DCLRE1C: variants seen among roughly 807,000 people sequenced by gnomAD.
The protein encoded by DCLRE1C is DNA cross-link repair 1C.
Under a neutral mutation model 61.4 loss-of-function variants are expected in DCLRE1C, and 47 were observed. The ratio of observed to expected loss-of-function variants is 0.77; its 90% confidence interval spans 0.61 to 0.98. The LOEUF is 0.98. Among genes scored for constraint, DCLRE1C ranks in the 50% least tolerant of loss-of-function variants. The pLI is 0.00. For missense variants in DCLRE1C, 858 were observed against 816.0 expected, an observed-to-expected ratio of 1.05 and a Z score of -0.63; for synonymous variants, 337 against 287.6, an observed-to-expected ratio of 1.17 and a Z score of -1.74.
At position 14,909,382 on chromosome 10, in the gene DCLRE1C, T is replaced by C. The variant is rs768909708; in HGVS notation, c.1157-52A>G. 9 of 1,518,752 alleles carry C rather than the reference T, an allele frequency of 5.9e-6. No homozygotes were observed. In the Admixed American group the frequency reaches 1.4e-4, roughly 24 times the overall value. The allele number at this position is 1,518,752 out of a possible 1,614,324, so 94.1% of individuals were successfully genotyped here. ...AGGAAACAAGGCAAAGGGAGCCAATTTGTAGTATTTATCTGTACTTTTAAT... is the reference window on the plus strand; with the variant it reads ...AGGAAACAAGGCAAAGGGAGCCAATCTGTAGTATTTATCTGTACTTTTAAT... On this transcript the variant is annotated intron_variant, in intron 13 of 13. Transcript: ENST00000378278.
rs1842846889 is a variant in DCLRE1C, at chr10:14,954,063, C to T, written c.-53G>A. The stretch of plus-strand genomic sequence containing the variant: ...CCCAAAACCGCAGCTGAAGCCAAGG[C>T]CAGCCCTGACCGCGCCGCCACTTCC... On this transcript the variant is annotated 5_prime_UTR_variant, in exon 1 of 14. Coordinates refer to ENST00000378278, the MANE Select transcript of DCLRE1C (RefSeq NM_001033855.3). 1 of 1,608,634 alleles carries T rather than the reference C, an allele frequency of 6.2e-7. No homozygotes were observed. The highest frequency in any genetic ancestry group is 8.5e-7 in the Non-Finnish European group (1 of 1,178,646).
At chr10:14,929,723 G>C (rs1046878156) in intron 9 of DCLRE1C, among the ~76,000 whole-genome samples, 1 of 152,040 alleles carries the variant, frequency 6.6e-6, no homozygotes, top group African/African-American at 2.4e-5. Context: ...GTTTTCAAAA[G>C]GTTGAAAAAA....
At chr10:14,921,036 C>T (rs936089921) in intron 12 of DCLRE1C, among the ~76,000 whole-genome samples, 2 of 148,066 alleles carry the variant, frequency 1.4e-5, no homozygotes, top group African/African-American at 5.0e-5. Flanking sequence ...ACAAGCACCT[C>T]GGCTGGGCAC....
chr10:14,934,756 C>A lies in DCLRE1C; in HGVS notation c.484G>T (p.Val162Leu). ...TCACAGAACGTAGTATCCAAATATA[C>A]ACTTTGGATGTCTTTGACTCTGAAA... ...SGGRVKDIQS[V>L]YLDTTFCDPR... Residue 162 changes from valine (V) to leucine (L), a missense_variant, in exon 7 of 14, where the codon GTA becomes TTA. Around this residue, in one of 2 missense-constraint regions of DCLRE1C, gnomAD observed 843 missense variants for 783.5 expected, o/e 1.08. Transcript: ENST00000378278. 1 of 1,612,848 alleles carries A rather than the reference C, an allele frequency of 6.2e-7. No individual in the cohort carries two copies.
intron 4 of DCLRE1C, among the ~76,000 whole-genome samples, chr10:14,939,081 A>G (rs41297004): frequency 0.12 from 18,362 of 151,514 alleles, 1,214 homozygotes; most frequent in Middle Eastern, 0.16. Flanking sequence ...TATAAAAGAC[A>G]CCCAGGGGAG....
intron 2 of DCLRE1C, 50 bp from the exon 3 acceptor site, chr10:14,945,239 CT>C: frequency 6.5e-7 from 1 of 1,541,552 alleles, no homozygotes; most frequent in South Asian, 1.2e-5. Context: ...AATGAGCCAT[CT>C]TGGTGACTAA....
intron 1 of DCLRE1C, among the ~76,000 whole-genome samples, chr10:14,949,774 G>A (rs147422908): frequency 6.6e-6 from 1 of 152,338 alleles, no homozygotes; most frequent in African/African-American, 2.4e-5. Flanking sequence ...GTTGGACATG[G>A]TGGCTCTTGC....
chr10:14,943,042 G>T (rs1841118512), intron 3 of DCLRE1C, among the ~76,000 whole-genome samples: 1 of 152,180 alleles, frequency 6.6e-6, no homozygotes, highest in African/African-American at 2.4e-5. Context: ...AGGGAGAATT[G>T]CTTGAACCGG....
Position 14,908,744 on chromosome 10 carries a change from T to C in DCLRE1C, c.1743A>G (p.Thr581=), listed in dbSNP as rs750453725. ...GAGAGGCAGGAATATTCTCTTTGATTGTTGGTCTGTAGTCAGCTTTGTCCA... is the reference window on the plus strand; with the variant it reads ...GAGAGGCAGGAATATTCTCTTTGATCGTTGGTCTGTAGTCAGCTTTGTCCA... The part of the protein sequence containing the change: ...TSLDKADYRP[T]IKENIPASLM... The change falls in exon 14 of 14, where the codon ACA becomes ACG. Residue 581 remains threonine, a synonymous_variant. Transcript: ENST00000378278. 1.8e-5 allele frequency: 29 copies of C among 1,614,124 alleles called. No individual in the cohort carries two copies. The South Asian group carries it at 3.2e-4, about 18-fold the overall frequency.
Position 14,905,074 on chromosome 10 carries a change from A to AGTC in DCLRE1C, c.*3331_*3333dup, listed in dbSNP as rs938437481. ...TGGCTTAGCTTTGTTTCTGTTTTAC[A>AGTC]GTCATTTCCAGTAAGACTATAAAAG... is the stretch of plus-strand genomic sequence containing the variant. On this transcript the variant is annotated 3_prime_UTR_variant, in exon 14 of 14. Coordinates refer to ENST00000378278, the MANE Select transcript of DCLRE1C (RefSeq NM_001033855.3). Among the ~76,000 whole-genome samples the AGTC allele has an allele frequency of 6.6e-6, 1 of 152,258 alleles. No homozygotes were observed. Among genetic ancestry groups the AGTC allele is most frequent in the African/African-American group, 2.4e-5 (1 of 41,472 alleles).
rs1184108874 is a variant in DCLRE1C, at chr10:14,899,259, A to G, written c.1210T>C (p.Tyr404His). The stretch of plus-strand genomic sequence containing the variant: ...CGCTTGATCCCAGGAGTTAAAGGAT[A>G]CAGGGAGTCATGATGGCACCACCGC... The change falls in exon 14 of 14, where the codon TAT becomes CAT. Residue 404 changes from tyrosine (Y) to histidine (H), a missense_variant. Tyr to His is a moderately conservative substitution (Grantham distance 83, BLOSUM62 2). Coordinates refer to the DCLRE1C transcript ENST00000378289. 7.1e-6 allele frequency: 5 copies of G among 702,026 alleles called. No homozygotes were observed. The East Asian group carries it at 1.1e-4, about 15-fold the overall frequency. The allele number at this position is 702,026 out of a possible 1,614,324, so 43.5% of individuals were successfully genotyped here. A position where few individuals can be genotyped will look rare whatever the true frequency, so the allele number is the denominator to read the frequency against.
At chr10:14,902,305 C>T, downstream of DCLRE1C, 2 of 666,900 alleles carry the variant, frequency 3.0e-6, no homozygotes, top group Non-Finnish European at 4.9e-6. Flanking sequence ...ATGTAAGTAC[C>T]CTCTATCACT....
intron 13 of DCLRE1C, chr10:14,911,080 C>A (rs369615383): frequency 6.6e-6 from 1 of 152,170 alleles, no homozygotes; most frequent in Admixed American, 6.5e-5. Context: ...GCTGCAGAGG[C>A]GTCCCCACCA....
intron 13 of DCLRE1C, among the ~76,000 whole-genome samples, 167 bp downstream of exon 13, chr10:14,919,571 G>A (rs1210893911): frequency 6.6e-6 from 1 of 152,152 alleles, no homozygotes; most frequent in South Asian, 2.1e-4. Flanking sequence ...TGATTTTACA[G>A]GCTGAAGACA....
rs41300696 is a variant in DCLRE1C at position 14,907,192 on chromosome 10, C to G, written c.*1216G>C. 6.6e-5 allele frequency among the ~76,000 whole-genome samples: 10 copies of G among 151,226 alleles called. No homozygotes were observed. Among genetic ancestry groups the G allele is most frequent in the Non-Finnish European group, 1.0e-4 (7 of 67,892 alleles). On this transcript the variant is annotated 3_prime_UTR_variant, in exon 14 of 14. Transcript: ENST00000378278. The stretch of plus-strand genomic sequence containing the variant: ...CATTTTCTTTTATATTCTAATTGTC[C>G]GCTTCTAATTTGGCCACCGTATTCA...
chr10:14,941,230 T>C (rs1840801388), intron 3 of DCLRE1C, among the ~76,000 whole-genome samples: 1 of 152,244 alleles, frequency 6.6e-6, no homozygotes, highest in South Asian at 2.1e-4. Context: ...AGGACAAATT[T>C]AGCTATGTTC....
At chr10:14,915,961 A>T (rs1212770120) in intron 13 of DCLRE1C, among the ~76,000 whole-genome samples, 1 of 152,196 alleles carries the variant, frequency 6.6e-6, no homozygotes, top group Non-Finnish European at 1.5e-5. Flanking sequence ...CTCAAAAATC[A>T]GTGTATGTCA....
rs2131027424 is a variant in DCLRE1C, at chr10:14,939,864, A to G, written c.252T>C (p.Ser84=). The G allele has an allele frequency of 1.3e-6, 2 of 1,591,866 alleles. No homozygotes were observed. Among genetic ancestry groups the G allele is most frequent in the Non-Finnish European group, 1.7e-6 (2 of 1,161,858 alleles). ...TCTGGGTAGGAGTCTCGATTTCAAT[A>G]GATATCTATAAAAATAAAATAAGAG... ...KYRFWKKRII[S]IEIETPTQIS... is the part of the protein sequence containing the mutation. The change falls in exon 4 of 14, where the codon TCT becomes TCC. Residue 84 remains serine, a synonymous_variant. Coordinates refer to ENST00000378278, the MANE Select transcript of DCLRE1C (RefSeq NM_001033855.3).
chr10:14,927,725 G>T (rs765306291), intron 10 of DCLRE1C, among the ~76,000 whole-genome samples: 3 of 152,092 alleles, frequency 2.0e-5, no homozygotes, highest in Non-Finnish European at 4.4e-5. Flanking sequence ...TCCACCAAGG[G>T]TTCTGTTCTG....
Sources: allele counts gnomAD v4.1 joint callset (sites outside exome capture counted in the v4.1 genomes callset), GRCh38; gene constraint gnomAD v4.1.1; regional missense constraint gnomAD v4.1.1; transcripts MANE v1.5; gene names NCBI Gene and HGNC (gene_info 2026-07-23, HGNC 2026-07-21).